The following SPATA9 variants were observed in gnomAD, a reference collection of about 807,000 sequenced individuals.
SPATA9 encodes the protein spermatogenesis associated 9, also known as spermatogenesis-associated protein 9.
A neutral mutation model predicts 25.5 loss-of-function variants in SPATA9; 27 were observed. That is an observed-to-expected ratio of 1.06 (90% CI 0.78 to 1.46). The LOEUF is 1.46. Among genes scored for constraint, SPATA9 ranks in the 40% most tolerant of loss-of-function variants. The pLI, the probability that SPATA9 is intolerant of heterozygous loss-of-function variation, is 0.00. For synonymous variants in SPATA9, 102 were observed against 105.7 expected (o/e 0.97, Z 0.21); for missense variants, 282 against 297.5 (o/e 0.95, Z 0.38).
At chr5:95,719,957 T>G in the SPATA9 span, among the ~76,000 whole-genome samples, 1 of 152,198 alleles carries the variant, frequency 6.6e-6, no homozygotes, top group African/African-American at 2.4e-5. Flanking sequence ...TTAAAAAATG[T>G]CTGTTGAACT....
chr5:95,708,966 C>T, the SPATA9 span: 13 of 226,372 alleles, frequency 5.7e-5, no homozygotes, highest in Non-Finnish European at 1.1e-4. Context: ...TTTTAAGGGG[C>T]CTGATCCAGC....
intron 1 of SPATA9, among the ~76,000 whole-genome samples, chr5:95,697,454 C>G (rs1486233845): frequency 6.6e-6 from 1 of 152,144 alleles, no homozygotes; most frequent in Non-Finnish European, 1.5e-5. Context: ...CAAGGAGAGA[C>G]ACACAGAGAG....
At chr5:95,694,121 C>T (rs1310766139) in intron 1 of SPATA9, among the ~76,000 whole-genome samples, 2 of 152,090 alleles carry the variant, frequency 1.3e-5, no homozygotes, top group Non-Finnish European at 2.9e-5. Context: ...GCTCACACCA[C>T]TACACTCCAG....
upstream of SPATA9, among the ~76,000 whole-genome samples, chr5:95,702,846 A>G (rs1327394893): frequency 6.6e-6 from 1 of 152,204 alleles, no homozygotes; most frequent in African/African-American, 2.4e-5. Flanking sequence ...GCACCACTAC[A>G]TTGCAGCCTG....
intron 1 of SPATA9, among the ~76,000 whole-genome samples, chr5:95,690,813 AC>A (rs1216371862): frequency 6.6e-6 from 1 of 152,230 alleles, no homozygotes; most frequent in Non-Finnish European, 1.5e-5. Context: ...TGAAGCCAAT[AC>A]TTTTATAGAT....
In SPATA9 at chr5:95,658,853, T is replaced by C. The variant is rs776738975; in HGVS notation, c.535A>G (p.Ile179Val). ...VKNIFQEEES[I>V]RQNREESENC... is the part of the protein sequence containing the mutation. ...TCACTCTCCTCTCTGTTTTGCCTTA[T>C]GGATTCTTCTTCCTGGAAGATGTTC... The change falls in exon 5 of 5, where the codon ATA (isoleucine) becomes GTA (valine). Residue 179 changes from isoleucine (I) to valine (V), a missense_variant. Coordinates refer to ENST00000274432, the MANE Select transcript of SPATA9 (RefSeq NM_031952.4). 9.3e-6 allele frequency: 15 copies of C among 1,613,846 alleles called. No homozygotes were observed. The highest frequency in any genetic ancestry group is 4.5e-5 in the East Asian group (2 of 44,878).
At chr5:95,678,632 T>G (rs897114793) in intron 2 of SPATA9, among the ~76,000 whole-genome samples, 2 of 152,096 alleles carry the variant, frequency 1.3e-5, no homozygotes, top group Non-Finnish European at 2.9e-5. Flanking sequence ...AATCACAAAA[T>G]TTAGAATTTT....
upstream of SPATA9, chr5:95,684,535 A>T (rs2112696612): frequency 6.6e-6 from 1 of 152,372 alleles, no homozygotes; most frequent in African/African-American, 2.4e-5. Context: ...TACTGCACTT[A>T]AAGCATAAGC....
At chr5:95,654,204 G>A (rs1183563999), downstream of SPATA9, 2 of 1,613,070 alleles carry the variant, frequency 1.2e-6, no homozygotes, top group Admixed American at 1.7e-5. Flanking sequence ...TACCACAAGG[G>A]AGAATATCAT....
chr5:95,714,670 G>A, the SPATA9 span, among the ~76,000 whole-genome samples: 1 of 151,126 alleles, frequency 6.6e-6, no homozygotes, highest in African/African-American at 2.4e-5. Context: ...CAAACTTTGA[G>A]GAAGTTTGTC....
At chr5:95,731,718 C>T in the SPATA9 span, 2 of 1,613,034 alleles carry the variant, frequency 1.2e-6, no homozygotes, top group Non-Finnish European at 1.7e-6. Context: ...CATTGTCTCT[C>T]TCCAGCGCGT....
Position 95,689,037 on chromosome 5 carries a change from C to T in SPATA9, n.124+9551G>A, listed in dbSNP as rs146813014. Among the ~76,000 whole-genome samples, 210 of 152,150 alleles carry T rather than the reference C, an allele frequency of 1.4e-3. 3 individuals carry two copies. Among genetic ancestry groups the T allele is most frequent in the Middle Eastern group, 0.01 (3 of 292 alleles). On this transcript the variant is annotated intron_variant and non_coding_transcript_variant, in intron 1 of 2. Coordinates refer to the SPATA9 transcript ENST00000379990. ...AGACACACATATAAATACACATAGA[C>T]ACACATGTTTTATCAAACATTATAG...
the SPATA9 span, among the ~76,000 whole-genome samples, chr5:95,716,682 G>A: frequency 6.6e-6 from 1 of 152,140 alleles, no homozygotes; most frequent in Admixed American, 6.5e-5. Flanking sequence ...TGAAATGTGG[G>A]GACATGAGAT....
intron 2 of SPATA9, 33 bp from the exon 3 acceptor site, chr5:95,675,672 T>G (rs754991559): frequency 6.3e-7 from 1 of 1,581,818 alleles, no homozygotes; most frequent in African/African-American, 1.3e-5. Flanking sequence ...GTAACTGATG[T>G]GTAATCTCCA....
intron 4 of SPATA9, among the ~76,000 whole-genome samples, chr5:95,660,776 CCTT>C (rs768119166): frequency 1.3e-5 from 2 of 152,172 alleles, no homozygotes; most frequent in African/African-American, 2.4e-5. Flanking sequence ...AGGTCAGTAT[CCTT>C]CTATCTTTGT....
the SPATA9 span, among the ~76,000 whole-genome samples, chr5:95,720,103 A>T: frequency 6.6e-6 from 1 of 152,206 alleles, no homozygotes; most frequent in Admixed American, 6.5e-5. Context: ...TAGTTTACAC[A>T]TTGGCCTCTT....
In SPATA9 at chr5:95,667,069, A is replaced by T. The variant is rs183699987; in HGVS notation, c.379-3021T>A. Among the ~76,000 whole-genome samples the T allele has an allele frequency of 4.1e-3, 619 of 152,328 alleles. 7 individuals are homozygous for T. The highest frequency in any genetic ancestry group is 9.3e-3 in the South Asian group (45 of 4,826). On this transcript the variant is annotated intron_variant, in intron 3 of 4. Coordinates refer to ENST00000274432, the MANE Select transcript of SPATA9 (RefSeq NM_031952.4). ...TAACAAACCTATGAAATAAGAACAC[A>T]GGTTCAGAGAAATTAAATTCTTTCT... is the stretch of plus-strand genomic sequence containing the variant.
chr5:95,714,559 G>A, the SPATA9 span, among the ~76,000 whole-genome samples: 1 of 152,176 alleles, frequency 6.6e-6, no homozygotes, highest in Non-Finnish European at 1.5e-5. Flanking sequence ...GGCTGTTGGT[G>A]ACCTTGAAAC....
chr5:95,680,119 C>T (rs963857731), intron 2 of SPATA9, among the ~76,000 whole-genome samples: 2 of 152,140 alleles, frequency 1.3e-5, no homozygotes, highest in African/African-American at 4.8e-5. Context: ...AGGATGGTCT[C>T]CATCTCCTGA....
Sources: allele counts gnomAD v4.1 joint callset (sites outside exome capture counted in the v4.1 genomes callset), GRCh38; gene constraint gnomAD v4.1.1; transcripts MANE v1.5; gene names NCBI Gene and HGNC (gene_info 2026-07-23, HGNC 2026-07-21).